The following ZNF215 variants were observed in gnomAD, a reference collection of about 807,000 sequenced individuals.
ZNF215 encodes zinc finger protein 215, also known as BWSCR2-associated zinc finger protein 2.
Under a neutral mutation model 27.2 loss-of-function variants are expected in ZNF215, and 24 were observed. The observed-to-expected ratio is 0.88, with a 90% CI of 0.64 to 1.24. The LOEUF is 1.24. ZNF215 is among the 50% of genes most tolerant of loss of function. The pLI is 0.00. For synonymous variants in ZNF215, 210 were observed against 204.0 expected (o/e 1.03, Z -0.25); for missense variants, 675 against 605.7 (o/e 1.11, Z -1.20).
chr11:6,938,042 C>G (rs1849499348), intron 3 of ZNF215, among the ~76,000 whole-genome samples: 1 of 151,838 alleles, frequency 6.6e-6, no homozygotes, highest in African/African-American at 2.4e-5. Context: ...AAGATACCAT[C>G]AAGGCAGCGA....
downstream of ZNF215, among the ~76,000 whole-genome samples, chr11:6,984,905 A>G (rs1028540900): frequency 4.6e-5 from 7 of 152,168 alleles, no homozygotes; most frequent in African/African-American, 1.7e-4. Context: ...AATCAGTAAT[A>G]AAAACCCTAC....
At chr11:6,952,667 A>G (rs2133276757) in intron 6 of ZNF215, among the ~76,000 whole-genome samples, 1 of 152,096 alleles carries the variant, frequency 6.6e-6, no homozygotes, top group South Asian at 2.1e-4. Flanking sequence ...CAGCACACTG[A>G]TGGGTCTTGA....
chr11:6,935,655 A>G (rs1414369623), intron 3 of ZNF215, among the ~76,000 whole-genome samples: 5 of 152,166 alleles, frequency 3.3e-5, no homozygotes, highest in Non-Finnish European at 7.4e-5. Context: ...GAAATACTAG[A>G]AAAAAAGATT....
At chr11:6,930,975 A>G (rs527380937) in intron 2 of ZNF215, among the ~76,000 whole-genome samples, 1 of 152,332 alleles carries the variant, frequency 6.6e-6, no homozygotes, top group Admixed American at 6.5e-5. Context: ...ATAGGGGACT[A>G]TCCTGTGTAG....
At chr11:6,988,833 T>C (rs1851088164), downstream of ZNF215, 1 of 152,142 alleles carries the variant, frequency 6.6e-6, no homozygotes, top group South Asian at 2.1e-4. Flanking sequence ...CTTGATAATT[T>C]TGAACTTTAC....
chr11:6,973,571 T>A (rs1850767092), intron 5 of ZNF215, among the ~76,000 whole-genome samples: 1 of 152,216 alleles, frequency 6.6e-6, no homozygotes. Flanking sequence ...GTTTCCTGAC[T>A]TTTTAATGAT....
chr11:6,978,297 C>T (rs1850875447), intron 5 of ZNF215, among the ~76,000 whole-genome samples: 1 of 151,860 alleles, frequency 6.6e-6, no homozygotes, highest in African/African-American at 2.4e-5. Flanking sequence ...TTGAATGAAG[C>T]CTTAGAAGAG....
chr11:6,943,219 G>A lies in ZNF215; in HGVS notation c.616+4G>A, dbSNP rs1051982127. On this transcript the variant is annotated splice_donor_region_variant and intron_variant, in intron 5 of 6. Coordinates refer to ENST00000278319, the MANE Select transcript of ZNF215 (RefSeq NM_013250.4). ...AACCTGAATTCATTGCGTAAAGGTG[G>A]TTTCTATATGTTTACCTAATCTGTC... 2 of 1,607,762 alleles carry A rather than the reference G, an allele frequency of 1.2e-6. No individual in the cohort carries two copies. Among genetic ancestry groups the A allele is most frequent in the Admixed American group, 1.7e-5 (1 of 58,720 alleles).
intron 5 of ZNF215, among the ~76,000 whole-genome samples, chr11:6,966,006 T>C (rs1395855159): frequency 1.3e-5 from 2 of 152,200 alleles, no homozygotes; most frequent in African/African-American, 4.8e-5. Flanking sequence ...TCCTTAAATA[T>C]CTGATAGAAT....
intron 2 of ZNF215, among the ~76,000 whole-genome samples, chr11:6,931,738 A>G (rs1849272266): frequency 6.6e-6 from 1 of 152,192 alleles, no homozygotes; most frequent in Non-Finnish European, 1.5e-5. Context: ...TTTTTCAGTC[A>G]TATCTATTCT....
chr11:6,980,779 TC>T (rs1400189145), intron 5 of ZNF215, among the ~76,000 whole-genome samples: 10 of 112,572 alleles, frequency 8.9e-5, no homozygotes, highest in African/African-American at 3.2e-4. Context: ...CCCACAACAG[TC>T]CCCAGAGTGT....
chr11:6,930,162 T>C (rs1234142227), intron 2 of ZNF215, among the ~76,000 whole-genome samples: 4 of 151,872 alleles, frequency 2.6e-5, no homozygotes, highest in Admixed American at 2.0e-4. Flanking sequence ...GCCCCATGCT[T>C]ATGTTGCATG....
At chr11:6,931,088 G>A (rs1237782922) in intron 2 of ZNF215, among the ~76,000 whole-genome samples, 2 of 152,066 alleles carry the variant, frequency 1.3e-5, no homozygotes, top group Non-Finnish European at 2.9e-5. Context: ...TTCCCCTGTT[G>A]GTAAAATATC....
chr11:6,977,402 T>C (rs1850855402), intron 5 of ZNF215, among the ~76,000 whole-genome samples: 1 of 152,012 alleles, frequency 6.6e-6, no homozygotes, highest in African/African-American at 2.4e-5. Flanking sequence ...TTTTTTAAAA[T>C]ATAGATGTAT....
At chr11:6,953,736 G>C (rs551749387) in intron 6 of ZNF215, among the ~76,000 whole-genome samples, 1 of 152,296 alleles carries the variant, frequency 6.6e-6, no homozygotes, top group Admixed American at 6.5e-5. Context: ...CTCTCAACTC[G>C]TCAAAGTCAT....
intron 5 of ZNF215, among the ~76,000 whole-genome samples, chr11:6,971,273 C>G (rs1850713084): frequency 6.6e-6 from 1 of 152,150 alleles, no homozygotes; most frequent in Non-Finnish European, 1.5e-5. Flanking sequence ...TAAGTATAAT[C>G]TAAATCCTTT....
chr11:6,956,442 C>G lies in ZNF215; in HGVS notation c.1465C>G (p.Pro489Ala). The change falls in exon 7 of 7, where the codon CCA becomes GCA. Residue 489 changes from proline (P) to alanine (A), a missense_variant. Physicochemically the swap from Pro to Ala is conservative, Grantham distance 27. Transcript: ENST00000278319. ...CCAAATGATTCACACGGGAGAGAAA[C>G]CATTCAAATGTAAGGAATGTAGTAA... ...RHQMIHTGEKPFKCKECSKAF... is the reference protein window; with the variant it reads ...RHQMIHTGEKAFKCKECSKAF... 2 of 1,614,076 alleles carry G rather than the reference C, an allele frequency of 1.2e-6. No individual in the cohort carries two copies. Among genetic ancestry groups the G allele is most frequent in the Non-Finnish European group, 1.7e-6 (2 of 1,180,012 alleles).
At chr11:6,975,773 C>T (rs1413737034) in intron 5 of ZNF215, among the ~76,000 whole-genome samples, 1 of 152,068 alleles carries the variant, frequency 6.6e-6, no homozygotes, top group African/African-American at 2.4e-5. Flanking sequence ...AGGCTGATTC[C>T]AAATCTTAGC....
intron 2 of ZNF215, among the ~76,000 whole-genome samples, chr11:6,931,620 A>T (rs180939087): frequency 5.5e-4 from 84 of 151,710 alleles, no homozygotes; most frequent in Admixed American, 4.5e-3. Flanking sequence ...GTTTATGGAT[A>T]TTATTCTAGT....
Sources: gnomAD v4.1 joint callset for allele counts (sites outside exome capture counted in the v4.1 genomes callset) on GRCh38, gnomAD v4.1.1 for gene constraint, MANE v1.5 for transcripts, NCBI Gene and HGNC (gene_info 2026-07-23, HGNC 2026-07-21) for gene names.